The following GPBP1L1 variants were observed in gnomAD, a reference collection of about 807,000 sequenced individuals.
GPBP1L1 encodes the protein GC-rich promoter binding protein 1 like 1.
Under a neutral mutation model 52.5 loss-of-function variants are expected in GPBP1L1, and 23 were observed. The ratio of observed to expected loss-of-function variants is 0.44; its 90% confidence interval spans 0.32 to 0.62. The LOEUF is 0.62. GPBP1L1 is among the 20% of genes least tolerant of loss of function. GPBP1L1 has a pLI of 0.06. For missense variants in GPBP1L1, 596 were observed against 579.3 expected (o/e 1.03, Z -0.30); for synonymous variants, 243 against 203.1 (o/e 1.20, Z -1.67).
rs901947978 is a variant in GPBP1L1, at chr1:45,686,489, G to A, written c.-1220C>T. 6.6e-6 allele frequency: 1 copy of A among 152,354 alleles called. No individual in the cohort carries two copies. The highest frequency in any genetic ancestry group is 2.4e-5 in the African/African-American group (1 of 41,472). 9.4% of individuals were successfully genotyped at this position (152,354 alleles called of 1,614,324 possible). A position where few individuals can be genotyped will look rare whatever the true frequency, so the allele number is the denominator to read the frequency against. On this transcript the variant is annotated 5_prime_UTR_variant, in exon 1 of 13. Transcript: ENST00000355105. ...TCCCCAGCTTGTCGACCCGGCAGAG[G>A]CGGCTAGTCCACAACCATAACAAAG...
chr1:45,687,195 C>G (rs1262573689), upstream of GPBP1L1: 1 of 152,282 alleles, frequency 6.6e-6, no homozygotes, highest in African/African-American at 2.4e-5. Context: ...GGCGTCACTC[C>G]CCCGCCCAAG....
At chr1:45,656,230 A>T (rs1352464461) in intron 4 of GPBP1L1, 1 of 152,246 alleles carries the variant, frequency 6.6e-6, no homozygotes, top group African/African-American at 2.4e-5. Flanking sequence ...GGAAGGAAGC[A>T]GTTTGAGAAA....
intron 6 of GPBP1L1, among the ~76,000 whole-genome samples, chr1:45,653,826 G>C (rs1644850369): frequency 6.6e-6 from 1 of 151,360 alleles, no homozygotes; most frequent in African/African-American, 2.4e-5. Flanking sequence ...AGCCTCCTGA[G>C]TAGCTGGAAT....
At chr1:45,658,928 G>C (rs1315893542) in intron 4 of GPBP1L1, 100 bp downstream of exon 4, 9 of 807,426 alleles carry the variant, frequency 1.1e-5, no homozygotes, top group Non-Finnish European at 2.0e-5. Context: ...GGTGACAGAG[G>C]GAGACCCTGT....
intron 2 of GPBP1L1, among the ~76,000 whole-genome samples, chr1:45,664,956 G>A (rs1033011130): frequency 6.6e-6 from 1 of 151,976 alleles, no homozygotes; most frequent in African/African-American, 2.4e-5. Flanking sequence ...GGGATTAAAG[G>A]TGTGAGCCAC....
chr1:45,649,116 T>A lies in GPBP1L1; in HGVS notation c.477+5427A>T, dbSNP rs115816008. Among the ~76,000 whole-genome samples the A allele has an allele frequency of 2.6e-3, 396 of 152,348 alleles. 1 individual carries two copies. Among genetic ancestry groups the A allele is most frequent in the Middle Eastern group, 6.8e-3 (2 of 294 alleles). ...GGAATTTTCTACTTGTGGCATGACA[T>A]CCACACTCAAAAAGTTTTAGACTGC... On this transcript the variant is annotated intron_variant, in intron 6 of 12. Coordinates refer to ENST00000355105, the MANE Select transcript of GPBP1L1 (RefSeq NM_021639.5).
chr1:45,654,563 G>C lies in GPBP1L1; in HGVS notation c.457C>G (p.Gln153Glu). 1 of 1,611,052 alleles carries C rather than the reference G, an allele frequency of 6.2e-7. No homozygotes were observed. Among genetic ancestry groups the C allele is most frequent in the Non-Finnish European group, 8.5e-7 (1 of 1,177,562 alleles). The stretch of plus-strand genomic sequence containing the variant: ...CTTACAAAGTCCTCCTCTTCAAACT[G>C]CAACTTTTCCACCTTGTCTTCTTTC... Reference protein sequence around the residue: ...EKKEDKVEKLQFEEEDFPSLN... With the variant: ...EKKEDKVEKLEFEEEDFPSLN... The change falls in exon 6 of 13, where the codon CAG becomes GAG. Residue 153 changes from glutamine to glutamate, a missense_variant. Transcript: ENST00000355105.
intron 6 of GPBP1L1, among the ~76,000 whole-genome samples, chr1:45,643,843 T>C (rs1035122403): frequency 2.0e-5 from 3 of 151,918 alleles, no homozygotes; most frequent in Non-Finnish European, 4.4e-5. Flanking sequence ...CTAATTTTTG[T>C]ATTTTTAGTA....
rs1428119894 is a variant in GPBP1L1, at chr1:45,659,228, T to C, written c.-55-86A>G. ...GAATCTGTAATTATTCTAAGATTCC[T>C]CTTTACAGAAAGACCTGCCCTCTGA... On this transcript the variant is annotated intron_variant, in intron 3 of 12. Transcript: ENST00000355105. The C allele has an allele frequency of 6.4e-6, 5 of 779,136 alleles. No individual in the cohort carries two copies. The Admixed American group carries it at 1.3e-4, about 20-fold the overall frequency. The allele number at this position is 779,136 out of a possible 1,614,324, so 48.3% of individuals were successfully genotyped here. A position where few individuals can be genotyped will look rare whatever the true frequency, so the allele number is the denominator to read the frequency against.
chr1:45,665,118 C>T (rs553423328), intron 2 of GPBP1L1, among the ~76,000 whole-genome samples: 50 of 152,000 alleles, frequency 3.3e-4, no homozygotes, highest in African/African-American at 1.2e-3. Context: ...GTGAAACCCC[C>T]GTCTCTACTA....
intron 6 of GPBP1L1, among the ~76,000 whole-genome samples, chr1:45,648,022 C>T (rs1262854569): frequency 6.6e-6 from 1 of 152,116 alleles, no homozygotes; most frequent in Non-Finnish European, 1.5e-5. Context: ...CTCACTGCAG[C>T]TACGACCTGC....
intron 2 of GPBP1L1, among the ~76,000 whole-genome samples, chr1:45,682,985 T>G (rs1645229109): frequency 6.6e-6 from 1 of 152,078 alleles, no homozygotes; most frequent in South Asian, 2.1e-4. Flanking sequence ...TACAGCCACT[T>G]AGGGGGTATG....
intron 5 of GPBP1L1, 45 bp from the exon 6 acceptor site, chr1:45,654,874 A>T: frequency 6.3e-7 from 1 of 1,576,110 alleles, no homozygotes; most frequent in Non-Finnish European, 8.6e-7. Flanking sequence ...TTGCTTCCTG[A>T]TTTGGTTTAC....
At chr1:45,687,244 A>C (rs769494163), upstream of GPBP1L1, 7 of 152,318 alleles carry the variant, frequency 4.6e-5, no homozygotes, top group Admixed American at 3.3e-4. Context: ...CGCTTGCGAC[A>C]GTGCCGTTTC....
intron 2 of GPBP1L1, among the ~76,000 whole-genome samples, chr1:45,672,865 T>C (rs931929359): frequency 3.3e-5 from 5 of 152,192 alleles, no homozygotes; most frequent in Admixed American, 6.5e-5. Flanking sequence ...TGGATTCACA[T>C]GGAAGTGTCA....
At chr1:45,680,700 A>C (rs567243850) in intron 2 of GPBP1L1, among the ~76,000 whole-genome samples, 2 of 152,286 alleles carry the variant, frequency 1.3e-5, no homozygotes, top group South Asian at 4.1e-4. Context: ...ACTTTGAATA[A>C]GTTATTTCAC....
chr1:45,661,683 G>A lies in GPBP1L1; in HGVS notation c.-1097-458C>T, dbSNP rs961183401. ...TGTTGTCCAGGCTGGTCTCGAACTC[G>A]ACTTTGTGATCCGCCCACCTTGGCC... On this transcript the variant is annotated intron_variant, in intron 2 of 12. Transcript: ENST00000355105. Among the ~76,000 whole-genome samples the A allele has an allele frequency of 6.6e-5, 10 of 151,876 alleles. No homozygotes were observed. In the South Asian group the frequency reaches 1.7e-3, roughly 25 times the overall value.
chr1:45,670,584 T>C (rs369984981), intron 2 of GPBP1L1, among the ~76,000 whole-genome samples: 1 of 152,152 alleles, frequency 6.6e-6, no homozygotes, highest in East Asian at 1.9e-4. Context: ...TTACAATCAG[T>C]TGGAAATGAT....
At chr1:45,632,507 G>A (rs1644542947) in intron 10 of GPBP1L1, among the ~76,000 whole-genome samples, 1 of 152,152 alleles carries the variant, frequency 6.6e-6, no homozygotes, top group Non-Finnish European at 1.5e-5. Context: ...CTTGAGGCCA[G>A]GAGTTCAAGA....
Sources: allele counts gnomAD v4.1 joint callset (sites outside exome capture counted in the v4.1 genomes callset), GRCh38; gene constraint gnomAD v4.1.1; transcripts MANE v1.5; gene names NCBI Gene and HGNC (gene_info 2026-07-23, HGNC 2026-07-21).